SLC39A11: variants seen among roughly 807,000 people sequenced by gnomAD.
The protein encoded by SLC39A11 is solute carrier family 39 member 11, also known as zinc transporter ZIP11.
SLC39A11 carries 33 observed loss-of-function variants against 36.1 expected under a neutral mutation model. The observed-to-expected ratio is 0.91, with a 90% CI of 0.69 to 1.22. The LOEUF (loss-of-function observed/expected upper bound fraction) is 1.22. Ranked by LOEUF, SLC39A11 falls within the 50% of genes most tolerant of loss-of-function variation. The pLI is 0.00. For missense variants in SLC39A11, 432 were observed against 430.3 expected, an observed-to-expected ratio of 1.00 and a Z score of -0.03; for synonymous variants, 166 against 170.3, an observed-to-expected ratio of 0.97 and a Z score of 0.20.
chr17:73,056,173 G>GTT (rs765845918), intron 3 of SLC39A11, among the ~76,000 whole-genome samples: 2 of 145,144 alleles, frequency 1.4e-5, no homozygotes, highest in Admixed American at 6.9e-5. Flanking sequence ...TTTTTTGTTT[G>GTT]TTTGTTTTTT....
chr17:72,794,757 C>T (rs955413606), intron 6 of SLC39A11, among the ~76,000 whole-genome samples: 2 of 152,080 alleles, frequency 1.3e-5, no homozygotes, highest in Admixed American at 6.6e-5. Context: ...CTTTCATTTC[C>T]TCCAGCAAGT....
chr17:72,907,708 A>C (rs907342582), intron 5 of SLC39A11, among the ~76,000 whole-genome samples: 8 of 152,190 alleles, frequency 5.3e-5, no homozygotes, highest in Non-Finnish European at 7.3e-5. Context: ...CACTCCACTC[A>C]GGTGATCCAG....
At chr17:72,687,614 G>C (rs1375895784) in intron 7 of SLC39A11, among the ~76,000 whole-genome samples, 1 of 152,190 alleles carries the variant, frequency 6.6e-6, no homozygotes, top group Non-Finnish European at 1.5e-5. Context: ...GTAGAACTCT[G>C]TGGGAGGCTG....
At chr17:72,728,088 T>C (rs2074006524) in intron 7 of SLC39A11, among the ~76,000 whole-genome samples, 1 of 152,170 alleles carries the variant, frequency 6.6e-6, no homozygotes, top group Admixed American at 6.5e-5. Flanking sequence ...TCAGAGTATT[T>C]AATGATGAAT....
intron 3 of SLC39A11, among the ~76,000 whole-genome samples, chr17:73,048,239 C>T (rs2059385957): frequency 6.6e-6 from 1 of 151,780 alleles, no homozygotes; most frequent in Non-Finnish European, 1.5e-5. Context: ...TCTTTATGTC[C>T]ATGTGTGCTC....
chr17:73,087,616 G>A (rs1393764538), intron 2 of SLC39A11, among the ~76,000 whole-genome samples: 1 of 152,008 alleles, frequency 6.6e-6, no homozygotes, highest in Non-Finnish European at 1.5e-5. Flanking sequence ...GTGTGGGGAG[G>A]GCATATGGGT....
intron 7 of SLC39A11, among the ~76,000 whole-genome samples, chr17:72,684,766 G>A (rs1402468477): frequency 6.6e-6 from 1 of 152,218 alleles, no homozygotes; most frequent in East Asian, 1.9e-4. Context: ...CAGAGAGCTG[G>A]GGAGTGGAGG....
intron 4 of SLC39A11, among the ~76,000 whole-genome samples, chr17:72,973,358 C>A (rs1010315081): frequency 6.6e-6 from 1 of 151,648 alleles, no homozygotes; most frequent in Non-Finnish European, 1.5e-5. Flanking sequence ...TGATGGCTGT[C>A]GCACCCCAAG....
chr17:73,022,626 G>A (rs955496416), intron 4 of SLC39A11, among the ~76,000 whole-genome samples: 6 of 118,450 alleles, frequency 5.1e-5, no homozygotes, highest in African/African-American at 6.0e-5. Context: ...AAAAAGAATC[G>A]GCCAGCCCAC....
At chr17:72,893,168 A>G (rs1043870320) in intron 5 of SLC39A11, among the ~76,000 whole-genome samples, 2 of 152,202 alleles carry the variant, frequency 1.3e-5, no homozygotes, top group African/African-American at 4.8e-5. Flanking sequence ...TTGAATGAAA[A>G]CATATGGACC....
At chr17:72,916,741 T>C (rs72850912) in intron 5 of SLC39A11, among the ~76,000 whole-genome samples, 1 of 152,042 alleles carries the variant, frequency 6.6e-6, no homozygotes, top group Non-Finnish European at 1.5e-5. Context: ...ATATATACCC[T>C]ATTCCTCTTT....
In SLC39A11 at chr17:72,849,764, C is replaced by T. The variant is rs374851095; in HGVS notation, c.471G>A (p.Ala157=). 1.4e-5 allele frequency: 22 copies of T among 1,599,080 alleles called. No homozygotes were observed. Among genetic ancestry groups the T allele is most frequent in the East Asian group, 1.3e-4 (6 of 44,572 alleles). ...GACCCTCTGGAAGGCCAGTGGCTGC[C>T]GCCTTCTTTCTCTGATATGCCTCAC... ...ENGEAYQRKK[A]AATGLPEGPA... is the part of the protein sequence containing the mutation. Residue 157 remains alanine (A), a synonymous_variant, in exon 6 of 10, where the codon GCG becomes GCA. Coordinates refer to ENST00000255559, the MANE Select transcript of SLC39A11 (RefSeq NM_139177.4).
chr17:73,020,631 T>G lies in SLC39A11; in HGVS notation c.306+10925A>C, dbSNP rs2058308795. Among the ~76,000 whole-genome samples the G allele has an allele frequency of 2.0e-5, 3 of 151,922 alleles. No homozygotes were observed. The South Asian group carries it at 6.2e-4, about 32-fold the overall frequency. On this transcript the variant is annotated intron_variant, in intron 4 of 9. Transcript: ENST00000255559. The stretch of plus-strand genomic sequence containing the variant: ...TTCATGACCTCCCCAGGGGACCATG[T>G]GAGAGAGAACAATGCTTTTGGGTTT...
intron 5 of SLC39A11, among the ~76,000 whole-genome samples, chr17:72,899,361 A>G (rs72847959): frequency 0.16 from 24,478 of 151,978 alleles, 4,017 homozygotes; most frequent in African/African-American, 0.42. Context: ...TAAATTTCCT[A>G]TCCTGAAACC....
intron 4 of SLC39A11, among the ~76,000 whole-genome samples, chr17:72,972,580 C>A (rs138300816): frequency 5.9e-5 from 9 of 152,256 alleles, no homozygotes; most frequent in Non-Finnish European, 7.3e-5. Context: ...CCTGAGCCAA[C>A]GGAGACTTAA....
intron 7 of SLC39A11, among the ~76,000 whole-genome samples, chr17:72,718,525 G>C (rs1399784804): frequency 6.6e-6 from 1 of 151,940 alleles, no homozygotes; most frequent in African/African-American, 2.4e-5. Context: ...TTTCACAACT[G>C]AGTTGACCCC....
At chr17:72,912,674 G>T (rs2083087667) in intron 5 of SLC39A11, among the ~76,000 whole-genome samples, 1 of 152,122 alleles carries the variant, frequency 6.6e-6, no homozygotes. Context: ...GGGTACGGGG[G>T]TGAGGAGGAA....
intron 5 of SLC39A11, among the ~76,000 whole-genome samples, chr17:72,865,739 C>T (rs1288721852): frequency 6.6e-6 from 1 of 152,022 alleles, no homozygotes; most frequent in Non-Finnish European, 1.5e-5. Flanking sequence ...GAAGCAGAAC[C>T]TTTGTGTAAT....
At chr17:72,864,368 C>CCA (rs2080195857) in intron 5 of SLC39A11, among the ~76,000 whole-genome samples, 2 of 149,366 alleles carry the variant, frequency 1.3e-5, no homozygotes, top group Admixed American at 1.3e-4. Context: ...AGAGCCAGAT[C>CCA]CACCCTGTGA....
Sources: gnomAD v4.1 joint callset for allele counts (sites outside exome capture counted in the v4.1 genomes callset) on GRCh38, gnomAD v4.1.1 for gene constraint, MANE v1.5 for transcripts, NCBI Gene and HGNC (gene_info 2026-07-23, HGNC 2026-07-21) for gene names.